Variants in FAM81B observed in about 807,000 individuals in gnomAD.
FAM81B encodes protein FAM81B.
In FAM81B, 60 loss-of-function variants were observed where a neutral mutation model predicts 58.7. The observed-to-expected ratio is 1.02, with a 90% CI of 0.83 to 1.27. FAM81B has a LOEUF of 1.27. Among genes scored for constraint, FAM81B ranks in the 50% most tolerant of loss-of-function variants. The pLI is 0.00. For missense variants in FAM81B, 491 were observed against 522.0 expected, an observed-to-expected ratio of 0.94 and a Z score of 0.58; for synonymous variants, 189 against 179.6, an observed-to-expected ratio of 1.05 and a Z score of -0.42.
chr5:95,393,479 TTTC>T (rs1290251111), intron 2 of FAM81B, among the ~76,000 whole-genome samples: 9 of 152,186 alleles, frequency 5.9e-5, no homozygotes, highest in Non-Finnish European at 2.9e-5. Flanking sequence ...TTAACCTCTG[TTTC>T]TTCTTCTGTA....
intron 4 of FAM81B, among the ~76,000 whole-genome samples, chr5:95,420,054 C>T (rs990992534): frequency 2.0e-5 from 3 of 151,948 alleles, no homozygotes; most frequent in Non-Finnish European, 2.9e-5. Flanking sequence ...TCCTTTAAAA[C>T]ACTATTGAGA....
chr5:95,435,648 C>T (rs950061800), intron 6 of FAM81B, among the ~76,000 whole-genome samples: 1 of 151,984 alleles, frequency 6.6e-6, no homozygotes, highest in Non-Finnish European at 1.5e-5. Context: ...CTTTTTTGCT[C>T]AATATATAAA....
At chr5:95,409,488 A>ACGGAGTCTCGCTC (rs1582794492) in intron 3 of FAM81B, among the ~76,000 whole-genome samples, 35 of 88,532 alleles carry the variant, frequency 4.0e-4, no homozygotes, top group Non-Finnish European at 6.2e-4. Context: ...ATTTTTCTTA[A>ACGGAGTCTCGCTC]TGTGGCTATT....
chr5:95,410,127 G>C (rs1762368240), intron 3 of FAM81B, among the ~76,000 whole-genome samples: 1 of 152,146 alleles, frequency 6.6e-6, no homozygotes, highest in Non-Finnish European at 1.5e-5. Flanking sequence ...AAAAAGGACG[G>C]GTGGGGACAA....
chr5:95,450,413 G>A lies in FAM81B; in HGVS notation c.*131G>A. 2 of 1,442,402 alleles carry A rather than the reference G, an allele frequency of 1.4e-6. No individual in the cohort carries two copies. The highest frequency in any genetic ancestry group is 1.8e-6 in the Non-Finnish European group (2 of 1,083,928). The allele number at this position is 1,442,402 out of a possible 1,614,324, so 89.4% of individuals were successfully genotyped here. On this transcript the variant is annotated 3_prime_UTR_variant, in exon 10 of 10. Coordinates refer to ENST00000283357, the MANE Select transcript of FAM81B (RefSeq NM_152548.3). Reference sequence around the variant, plus strand: ...TCCTTTTAAGGAGACGAATGTACCAGAAAAATAATAAAGCAAAGAAGCTTC... The same window carrying A: ...TCCTTTTAAGGAGACGAATGTACCAAAAAAATAATAAAGCAAAGAAGCTTC...
intron 4 of FAM81B, among the ~76,000 whole-genome samples, chr5:95,415,605 C>T (rs1487275197): frequency 6.6e-6 from 1 of 152,106 alleles, no homozygotes; most frequent in Non-Finnish European, 1.5e-5. Context: ...ATGAAAGTGA[C>T]AAGAGGCAAG....
chr5:95,448,538 C>A, intron 9 of FAM81B, 74 bp downstream of exon 9: 1 of 1,385,076 alleles, frequency 7.2e-7, no homozygotes, highest in Non-Finnish European at 9.8e-7. Context: ...CCACTTTGAG[C>A]TAATGGCCAG....
Position 95,450,147 on chromosome 5 carries a change from A to G in FAM81B, c.1226-2A>G. The G allele has an allele frequency of 1.2e-6, 2 of 1,606,536 alleles. No homozygotes were observed. Among genetic ancestry groups the G allele is most frequent in the Non-Finnish European group, 1.7e-6 (2 of 1,178,016 alleles). On this transcript the variant is annotated splice_acceptor_variant, in intron 9 of 9. Transcript: ENST00000283357. LOFTEE classifies it high-confidence loss of function. ...TGTACCTATTCTTTTACCCTCTTAC[A>G]GGATTTAAATCAATTCATGACTCTC...
In FAM81B at chr5:95,392,272, A is replaced by G. The variant is rs575257717; in HGVS notation, c.125-522A>G. Among the ~76,000 whole-genome samples, 12 of 152,278 alleles carry G rather than the reference A, an allele frequency of 7.9e-5. No individual in the cohort carries two copies. In the South Asian group the frequency reaches 2.5e-3, roughly 32 times the overall value. On this transcript the variant is annotated intron_variant, in intron 1 of 9. Coordinates refer to ENST00000283357, the MANE Select transcript of FAM81B (RefSeq NM_152548.3). ...ACAGGAACGGAAAACCAAACACCAC[A>G]TGTTCTCACTCACAAGTGGGAGTTG... is the stretch of plus-strand genomic sequence containing the variant.
intron 7 of FAM81B, among the ~76,000 whole-genome samples, chr5:95,438,067 C>A (rs1190934795): frequency 6.6e-6 from 1 of 152,142 alleles, no homozygotes; most frequent in Non-Finnish European, 1.5e-5. Context: ...CGTAGCATAT[C>A]ATCATTTTAA....
intron 7 of FAM81B, among the ~76,000 whole-genome samples, chr5:95,439,427 AT>A (rs1745240448): frequency 6.6e-6 from 1 of 151,848 alleles, no homozygotes; most frequent in African/African-American, 2.4e-5. Flanking sequence ...TTTAATTTGC[AT>A]TCCCTTTTAC....
At chr5:95,399,706 G>T (rs886442859) in intron 3 of FAM81B, among the ~76,000 whole-genome samples, 1 of 152,154 alleles carries the variant, frequency 6.6e-6, no homozygotes, top group Non-Finnish European at 1.5e-5. Context: ...GTTCTCTAGA[G>T]CACAGAGGGA....
chr5:95,450,042 T>A, intron 9 of FAM81B, 107 bp from the exon 10 acceptor site: 9 of 1,259,174 alleles, frequency 7.1e-6, no homozygotes, highest in Non-Finnish European at 8.7e-6. Flanking sequence ...TTAATGCGCT[T>A]GGAATTAAAT....
At chr5:95,435,058 T>C (rs1032050017) in intron 6 of FAM81B, among the ~76,000 whole-genome samples, 1 of 152,240 alleles carries the variant, frequency 6.6e-6, no homozygotes, top group Non-Finnish European at 1.5e-5. Flanking sequence ...TCTAAGATTA[T>C]TTCAGTGAGT....
Position 95,442,789 on chromosome 5 carries a change from TAAAGTTAGTAGAA to T in FAM81B, c.894-3769_894-3757del, listed in dbSNP as rs536338116. 8.3e-4 allele frequency among the ~76,000 whole-genome samples: 126 copies of T among 152,212 alleles called. 1 individual carries two copies. Among genetic ancestry groups the T allele is most frequent in the Non-Finnish European group, 1.6e-3 (108 of 68,028 alleles). ...AGTTTGAGAGTTCTACCTGTAGGTG[TAAAGTTAGTAGAA>T]AAACAGTATTTCTTGGAACTAATTT... On this transcript the variant is annotated intron_variant, in intron 7 of 9. Coordinates refer to ENST00000283357, the MANE Select transcript of FAM81B (RefSeq NM_152548.3).
intron 3 of FAM81B, among the ~76,000 whole-genome samples, chr5:95,405,151 C>T (rs1461178244): frequency 6.6e-6 from 1 of 152,148 alleles, no homozygotes; most frequent in African/African-American, 2.4e-5. Context: ...GGGTTTGGAG[C>T]CTAAGAATAC....
intron 3 of FAM81B, among the ~76,000 whole-genome samples, chr5:95,408,204 T>C (rs1375021385): frequency 6.6e-6 from 1 of 151,958 alleles, no homozygotes; most frequent in Non-Finnish European, 1.5e-5. Flanking sequence ...ACAACAAAAC[T>C]AGCTTGCTTC....
chr5:95,440,586 GA>G (rs1457939830), intron 7 of FAM81B: 1 of 607,396 alleles, frequency 1.6e-6, no homozygotes, highest in Non-Finnish European at 3.0e-6. Flanking sequence ...GCATATAGAA[GA>G]GCTCAGAGAG....
intron 5 of FAM81B, among the ~76,000 whole-genome samples, chr5:95,428,083 T>A (rs1233350920): frequency 3.3e-5 from 5 of 152,228 alleles, no homozygotes; most frequent in Admixed American, 3.3e-4. Flanking sequence ...TGTTTGAGGC[T>A]AAAACGGTGA....
Sources: allele counts gnomAD v4.1 joint callset (sites outside exome capture counted in the v4.1 genomes callset), GRCh38; gene constraint gnomAD v4.1.1; transcripts MANE v1.5; gene names NCBI Gene and HGNC (gene_info 2026-07-23, HGNC 2026-07-21).